CCDC91: variants seen among roughly 807,000 people sequenced by gnomAD.
CCDC91 encodes the protein coiled-coil domain containing 91.
CCDC91 carries 48 observed loss-of-function variants against 63.2 expected under a neutral mutation model. That is an observed-to-expected ratio of 0.76 (90% CI 0.60 to 0.97). The LOEUF (loss-of-function observed/expected upper bound fraction) is 0.97, where lower values mean the gene tolerates loss of function less well. Ranked by LOEUF, CCDC91 falls within the 50% of genes least tolerant of loss-of-function variation. The pLI is 0.00. For missense variants in CCDC91, 500 were observed against 494.6 expected, an observed-to-expected ratio of 1.01 and a Z score of -0.10; for synonymous variants, 167 against 165.8, an observed-to-expected ratio of 1.01 and a Z score of -0.06.
chr12:28,514,434 C>A (rs1939706810), intron 12 of CCDC91, among the ~76,000 whole-genome samples: 1 of 150,444 alleles, frequency 6.6e-6, no homozygotes, highest in African/African-American at 2.4e-5. Context: ...GTTTCTTTTG[C>A]TGTGCAGAAC....
chr12:28,202,681 A>G (rs539292347), intron 1 of CCDC91, among the ~76,000 whole-genome samples: 92 of 152,348 alleles, frequency 6.0e-4, no homozygotes, highest in African/African-American at 1.9e-3. Context: ...TCCCACTTGT[A>G]CAGAGCTTAA....
At chr12:28,318,588 T>C (rs996095918) in intron 6 of CCDC91, among the ~76,000 whole-genome samples, 1 of 151,868 alleles carries the variant, frequency 6.6e-6, no homozygotes, top group Non-Finnish European at 1.5e-5. Flanking sequence ...ACAATAGCAA[T>C]GAGAAAATTA....
At chr12:28,209,122 T>C (rs1943058051) in intron 1 of CCDC91, among the ~76,000 whole-genome samples, 2 of 152,274 alleles carry the variant, frequency 1.3e-5, no homozygotes, top group Admixed American at 1.3e-4. Flanking sequence ...CTTTTAATAG[T>C]TCATGAAAAT....
intron 3 of CCDC91, among the ~76,000 whole-genome samples, chr12:28,264,585 C>CTCTGTG (rs1555169640): frequency 1.5e-5 from 2 of 137,258 alleles, no homozygotes; most frequent in African/African-American, 5.5e-5. Flanking sequence ...ATATGTCTGT[C>CTCTGTG]TGTGTGTGTG....
intron 1 of CCDC91, among the ~76,000 whole-genome samples, chr12:28,206,491 T>G (rs1260170169): frequency 6.6e-6 from 1 of 152,182 alleles, no homozygotes; most frequent in African/African-American, 2.4e-5. Context: ...ACTATTATTA[T>G]GACTACGGGA....
chr12:28,401,281 T>G (rs1290235051), intron 8 of CCDC91, among the ~76,000 whole-genome samples: 5 of 151,964 alleles, frequency 3.3e-5, no homozygotes, highest in Non-Finnish European at 7.4e-5. Flanking sequence ...AACATGTCCT[T>G]CCTCACATGA....
chr12:28,248,405 T>C (rs1257775093), intron 1 of CCDC91, among the ~76,000 whole-genome samples: 5 of 152,126 alleles, frequency 3.3e-5, no homozygotes, highest in African/African-American at 4.8e-5. Context: ...AAGATGTGAA[T>C]GAGATAGTCC....
chr12:28,503,100 A>T (rs1354585124), intron 12 of CCDC91, among the ~76,000 whole-genome samples: 3 of 152,218 alleles, frequency 2.0e-5, no homozygotes, highest in Non-Finnish European at 4.4e-5. Flanking sequence ...AATTAAACTA[A>T]AGAGCTTCTG....
intron 1 of CCDC91, among the ~76,000 whole-genome samples, chr12:28,229,587 G>A (rs990093396): frequency 3.7e-4 from 57 of 152,128 alleles, no homozygotes; most frequent in African/African-American, 1.3e-3. Flanking sequence ...AAATGGGACT[G>A]AACTTTTGCA....
At chr12:28,342,937 T>A (rs1033979307) in intron 6 of CCDC91, among the ~76,000 whole-genome samples, 12 of 152,312 alleles carry the variant, frequency 7.9e-5, no homozygotes, top group African/African-American at 2.6e-4. Flanking sequence ...GAATCACTAA[T>A]ACTGCATATC....
intron 11 of CCDC91, among the ~76,000 whole-genome samples, chr12:28,466,989 C>A (rs1950578334): frequency 2.0e-5 from 3 of 152,024 alleles, no homozygotes; most frequent in Non-Finnish European, 4.4e-5. Flanking sequence ...TTTTCTTTTT[C>A]CTTGATTGCT....
chr12:28,387,111 G>A (rs754767514), intron 7 of CCDC91, among the ~76,000 whole-genome samples: 1 of 152,114 alleles, frequency 6.6e-6, no homozygotes, highest in Non-Finnish European at 1.5e-5. Context: ...TAAATATTCA[G>A]TTATACAATA....
intron 3 of CCDC91, among the ~76,000 whole-genome samples, chr12:28,273,497 A>G (rs1361601353): frequency 6.6e-6 from 1 of 152,098 alleles, no homozygotes; most frequent in Non-Finnish European, 1.5e-5. Flanking sequence ...CCTCTCCAGC[A>G]CCTGTTGTTT....
At chr12:28,501,735 G>T (rs1937902257) in intron 12 of CCDC91, among the ~76,000 whole-genome samples, 1 of 151,916 alleles carries the variant, frequency 6.6e-6, no homozygotes, top group Non-Finnish European at 1.5e-5. Context: ...ATGAGTTAGG[G>T]AGGATTCCCT....
chr12:28,472,818 T>C (rs1166785866), intron 11 of CCDC91, among the ~76,000 whole-genome samples: 1 of 152,200 alleles, frequency 6.6e-6, no homozygotes, highest in African/African-American at 2.4e-5. Flanking sequence ...AGTTGAAAGT[T>C]AGATGAAAGT....
chr12:28,205,465 G>A (rs1485612766), intron 1 of CCDC91, among the ~76,000 whole-genome samples: 1 of 152,068 alleles, frequency 6.6e-6, no homozygotes, highest in African/African-American at 2.4e-5. Context: ...TAAAACAAGT[G>A]TTAAAAGAAA....
intron 1 of CCDC91, among the ~76,000 whole-genome samples, chr12:28,222,210 A>G (rs771293214): frequency 2.0e-5 from 3 of 152,130 alleles, no homozygotes; most frequent in Admixed American, 1.3e-4. Flanking sequence ...GTTAAATGCT[A>G]TCTGTATACT....
chr12:28,398,109 A>C (rs1205930055), intron 8 of CCDC91, among the ~76,000 whole-genome samples: 1 of 152,174 alleles, frequency 6.6e-6, no homozygotes, highest in Admixed American at 6.5e-5. Context: ...ACACTCATAT[A>C]TCTATCATCA....
intron 8 of CCDC91, among the ~76,000 whole-genome samples, chr12:28,430,268 G>A (rs532246303): frequency 1.3e-5 from 2 of 152,108 alleles, no homozygotes; most frequent in Admixed American, 1.3e-4. Flanking sequence ...GAACAAGGGA[G>A]AAAATGCTTA....
Sources: gnomAD v4.1 joint callset for allele counts (sites outside exome capture counted in the v4.1 genomes callset) on GRCh38, gnomAD v4.1.1 for gene constraint, MANE v1.5 for transcripts, NCBI Gene and HGNC (gene_info 2026-07-23, HGNC 2026-07-21) for gene names.